Variants in ENTREP2 observed in about 807,000 individuals in gnomAD.
The protein encoded by ENTREP2 is protein ENTREP2.
the ENTREP2 span, among the ~76,000 whole-genome samples, chr15:29,634,285 A>C: frequency 1.3e-5 from 2 of 151,856 alleles, no homozygotes; most frequent in Non-Finnish European, 2.9e-5. Flanking sequence ...AAGAACTGTC[A>C]CCCTTTGGTG....
the ENTREP2 span, among the ~76,000 whole-genome samples, chr15:29,149,340 T>C: frequency 2.6e-5 from 4 of 152,244 alleles, no homozygotes; most frequent in Non-Finnish European, 5.9e-5. Flanking sequence ...TGGCTTTACA[T>C]AGTACTAGAA....
the ENTREP2 span, among the ~76,000 whole-genome samples, chr15:29,280,521 A>AATGG: frequency 1.2e-4 from 19 of 152,214 alleles, no homozygotes; most frequent in African/African-American, 4.3e-4. Flanking sequence ...GGGAAGACAG[A>AATGG]ATGGACTCTG....
chr15:29,164,422 C>T, the ENTREP2 span, among the ~76,000 whole-genome samples: 1 of 152,154 alleles, frequency 6.6e-6, no homozygotes, highest in Non-Finnish European at 1.5e-5. Context: ...CGCCAACCAA[C>T]TATCTGCTGC....
the ENTREP2 span, among the ~76,000 whole-genome samples, chr15:29,275,136 T>C: frequency 6.6e-6 from 1 of 152,224 alleles, no homozygotes; most frequent in Admixed American, 6.5e-5. Context: ...AAGTAATCCT[T>C]ATGCCAAAGT....
At chr15:29,158,200 A>C in the ENTREP2 span, among the ~76,000 whole-genome samples, 1 of 151,986 alleles carries the variant, frequency 6.6e-6, no homozygotes, top group African/African-American at 2.4e-5. Flanking sequence ...AGAAACACCA[A>C]CTCTGACCTC....
chr15:29,414,095 C>T, the ENTREP2 span, among the ~76,000 whole-genome samples: 17 of 152,052 alleles, frequency 1.1e-4, no homozygotes. Context: ...ATCAACGAGA[C>T]AGAAAGTTAA....
the ENTREP2 span, among the ~76,000 whole-genome samples, chr15:29,585,679 A>T: frequency 6.6e-6 from 1 of 150,904 alleles, no homozygotes; most frequent in Non-Finnish European, 1.5e-5. Flanking sequence ...ATACGGGGAA[A>T]CCCCGTCTCT....
the ENTREP2 span, among the ~76,000 whole-genome samples, chr15:29,135,608 C>T: frequency 6.6e-6 from 1 of 152,286 alleles, no homozygotes; most frequent in East Asian, 1.9e-4. This position sits in a 1 kb window ranked among gnomAD's most constrained non-coding sequence, Gnocchi z 7.4. Flanking sequence ...CCTGTTGGCT[C>T]CATTACGGAC....
At chr15:29,513,276 C>T in the ENTREP2 span, among the ~76,000 whole-genome samples, 8 of 152,248 alleles carry the variant, frequency 5.3e-5, no homozygotes, top group South Asian at 2.1e-4. Flanking sequence ...TCGGTACACC[C>T]GGCCCAAAGC....
chr15:29,622,564 G>A, the ENTREP2 span, among the ~76,000 whole-genome samples: 1 of 152,062 alleles, frequency 6.6e-6, no homozygotes, highest in African/African-American at 2.4e-5. Flanking sequence ...AAAAACCTAA[G>A]GAGAAATGTT....
At chr15:29,318,159 T>C in the ENTREP2 span, among the ~76,000 whole-genome samples, 1 of 152,228 alleles carries the variant, frequency 6.6e-6, no homozygotes, top group Non-Finnish European at 1.5e-5. Context: ...TGCATTGCAC[T>C]GCACAGATAC....
chr15:29,657,478 G>GGGGGGGGGGC, the ENTREP2 span, among the ~76,000 whole-genome samples: 6 of 110,732 alleles, frequency 5.4e-5, no homozygotes, highest in African/African-American at 2.2e-4. Flanking sequence ...TGTCGGCTGG[G>GGGGGGGGGGC]GGGGCGGGGG....
At chr15:29,550,896 T>C in the ENTREP2 span, among the ~76,000 whole-genome samples, 31 of 152,270 alleles carry the variant, frequency 2.0e-4, no homozygotes, top group South Asian at 1.7e-3. Context: ...GATTAGGAGA[T>C]TGAGGTCAAA....
chr15:29,350,272 T>C, the ENTREP2 span, among the ~76,000 whole-genome samples: 2 of 152,230 alleles, frequency 1.3e-5, no homozygotes, highest in Admixed American at 6.5e-5. Context: ...CCATCTCATC[T>C]AAATCTTCAA....
At chr15:29,246,946 A>C in the ENTREP2 span, among the ~76,000 whole-genome samples, 1 of 150,384 alleles carries the variant, frequency 6.6e-6, no homozygotes, top group Admixed American at 6.7e-5. Flanking sequence ...CCATAAACAA[A>C]AATATGTGCA....
At chr15:29,665,800 G>T in the ENTREP2 span, among the ~76,000 whole-genome samples, 3 of 151,152 alleles carry the variant, frequency 2.0e-5, no homozygotes, top group East Asian at 5.8e-4. Flanking sequence ...TCTGCGTTAT[G>T]CAAATTATAG....
chr15:29,356,471 A>T, the ENTREP2 span, among the ~76,000 whole-genome samples: 4 of 150,702 alleles, frequency 2.7e-5, no homozygotes, highest in Non-Finnish European at 5.9e-5. Context: ...ACACCCAGCT[A>T]ATTTTTTATA....
chr15:29,450,167 G>A, the ENTREP2 span, among the ~76,000 whole-genome samples: 1 of 152,098 alleles, frequency 6.6e-6, no homozygotes, highest in Non-Finnish European at 1.5e-5. Flanking sequence ...CAGATGCATA[G>A]TTTGCAAATA....
the ENTREP2 span, among the ~76,000 whole-genome samples, chr15:29,276,358 T>G: frequency 6.6e-6 from 1 of 152,234 alleles, no homozygotes; most frequent in Non-Finnish European, 1.5e-5. Flanking sequence ...GTCACTAAGA[T>G]TCTCTTCGTT....
Sources: gnomAD v4.1 joint callset for allele counts (sites outside exome capture counted in the v4.1 genomes callset) on GRCh38, gnomAD v4.1.1 for gene constraint, Gnocchi (gnomAD v3.1) non-coding constraint, MANE v1.5 for transcripts, NCBI Gene and HGNC (gene_info 2026-07-23, HGNC 2026-07-21) for gene names.